Variants in RAB33A observed in about 807,000 individuals in gnomAD.
RAB33A encodes the protein ras-related protein Rab-33A.
Under a neutral mutation model 12.0 loss-of-function variants are expected in RAB33A, and 6 were observed. That is an observed-to-expected ratio of 0.50 (90% CI 0.27 to 0.99). The LOEUF is 0.99. Ranked by LOEUF, RAB33A falls within the 50% of genes least tolerant of loss-of-function variation. The probability of loss-of-function intolerance (pLI) is 0.11; values close to 1 mark genes in which losing one functional copy is unlikely to be tolerated. For missense variants in RAB33A, 109 were observed against 192.0 expected (o/e 0.57, Z 2.55); for synonymous variants, 70 against 82.4 (o/e 0.85, Z 0.81).
the RAB33A span, among the ~76,000 whole-genome samples, chrX:130,118,052 C>T: frequency 1.8e-5 from 2 of 112,314 alleles, no homozygotes; most frequent in South Asian, 7.2e-4. Context: ...ACATCTCTTC[C>T]TCAGATGGAG....
At chrX:130,140,412 C>T in the RAB33A span, 217 of 606,245 alleles carry the variant, frequency 3.6e-4, 4 homozygotes, top group South Asian at 4.8e-3. Context: ...AGAGAAGACA[C>T]TCACTTCAGA....
chrX:130,146,791 G>A, the RAB33A span, among the ~76,000 whole-genome samples: 1 of 111,240 alleles, frequency 9.0e-6, no homozygotes, highest in African/African-American at 3.3e-5. Context: ...AATTCTAAAT[G>A]CCTGCTAGGC....
At position 130,172,218 on chromosome X, in the gene RAB33A, G is replaced by A; in HGVS notation, c.156G>A (p.Leu52=). Residue 52 remains leucine (L), a synonymous_variant, in exon 1 of 2, where the codon CTG becomes CTA. Coordinates refer to ENST00000257017, the MANE Select transcript of RAB33A (RefSeq NM_004794.3). Reference sequence around the variant, plus strand: ...ACTCCAACGTGGGCAAGACCTGCCTGACCTTCCGCTTCTGCGGGGGTACCT... The same window carrying A: ...ACTCCAACGTGGGCAAGACCTGCCTAACCTTCCGCTTCTGCGGGGGTACCT... The part of the protein sequence containing the change: ...IGDSNVGKTC[L]TFRFCGGTFP... 1 of 1,212,366 alleles carries A rather than the reference G, an allele frequency of 8.2e-7. No individual in the cohort carries two copies. Among genetic ancestry groups the A allele is most frequent in the South Asian group, 1.8e-5 (1 of 57,055 alleles).
upstream of RAB33A, among the ~76,000 whole-genome samples, chrX:130,168,202 AAGATACTC>A (rs1168306902): frequency 9.2e-6 from 1 of 109,089 alleles, no homozygotes; most frequent in Non-Finnish European, 1.9e-5. Flanking sequence ...AGAAATTACA[AAGATACTC>A]TTTTTTTTTT....
chrX:130,153,169 C>T, the RAB33A span, among the ~76,000 whole-genome samples: 1 of 56,233 alleles, frequency 1.8e-5, no homozygotes, highest in Admixed American at 2.5e-4. Context: ...CCCGTCTCTA[C>T]TAAAAATACA....
the RAB33A span, among the ~76,000 whole-genome samples, chrX:130,119,256 C>T: frequency 1.8e-5 from 2 of 111,727 alleles, no homozygotes; most frequent in East Asian, 5.6e-4. Context: ...TTAGTCAGCC[C>T]AAAATTCCCA....
the RAB33A span, among the ~76,000 whole-genome samples, chrX:130,159,866 G>C: frequency 9.3e-6 from 1 of 107,534 alleles, no homozygotes; most frequent in South Asian, 4.1e-4. Flanking sequence ...CTGTCCCCAA[G>C]CTGGAGTGCA....
At chrX:130,155,850 C>G in the RAB33A span, among the ~76,000 whole-genome samples, 283 of 111,660 alleles carry the variant, frequency 2.5e-3, no homozygotes, top group African/African-American at 8.3e-3. Context: ...CTAAGCTGAT[C>G]GGAGTTCATT....
the RAB33A span, chrX:130,165,950 C>T: frequency 1.3e-5 from 5 of 370,518 alleles, no homozygotes; most frequent in Non-Finnish European, 2.4e-5. Flanking sequence ...CTCGCAAAGA[C>T]GCTGGCTCTA....
the RAB33A span, among the ~76,000 whole-genome samples, chrX:130,157,837 C>T: frequency 1.5e-4 from 16 of 108,926 alleles, no homozygotes; most frequent in African/African-American, 4.7e-4. Flanking sequence ...TGCTTGTAGT[C>T]CCAGCTACTC....
At chrX:130,165,724 C>G in the RAB33A span, 16 of 922,140 alleles carry the variant, frequency 1.7e-5, no homozygotes, top group Non-Finnish European at 2.3e-5. Context: ...GGTCAAACAC[C>G]GTGAGCCCCG....
At chrX:130,112,518 C>T in the RAB33A span, among the ~76,000 whole-genome samples, 28 of 112,103 alleles carry the variant, frequency 2.5e-4, no homozygotes, top group Middle Eastern at 4.7e-3. Flanking sequence ...TGTGTGACTT[C>T]AGGCAAGTCA....
At chrX:130,137,501 G>C in the RAB33A span, 2 of 1,167,215 alleles carry the variant, frequency 1.7e-6, no homozygotes, top group Non-Finnish European at 2.3e-6. Flanking sequence ...GCATCCTCCT[G>C]AAAAGATGCC....
chrX:130,140,480 TA>T, the RAB33A span: 7 of 1,066,852 alleles, frequency 6.6e-6, no homozygotes, highest in Non-Finnish European at 9.2e-6. Context: ...GGCTGGACTC[TA>T]AAACTTGAAT....
At chrX:130,165,717 C>A in the RAB33A span, 1 of 982,812 alleles carries the variant, frequency 1.0e-6, no homozygotes, top group South Asian at 2.0e-5. Flanking sequence ...ACCGACGGGT[C>A]AAACACCGTG....
At chrX:130,171,888 C>T, upstream of RAB33A, 1 of 500,395 alleles carries the variant, frequency 2.0e-6, no homozygotes, top group Non-Finnish European at 3.1e-6. Flanking sequence ...TGAGAGGCAC[C>T]CCCTTCACGC....
the RAB33A span, among the ~76,000 whole-genome samples, chrX:130,143,357 C>G: frequency 1.8e-5 from 2 of 112,183 alleles, no homozygotes; most frequent in Non-Finnish European, 3.8e-5. Flanking sequence ...CCCCCTTAAA[C>G]TAGCTCTTCC....
chrX:130,140,637 A>G, the RAB33A span: 2 of 1,132,126 alleles, frequency 1.8e-6, no homozygotes, highest in Admixed American at 4.3e-5. Flanking sequence ...TCACACACAT[A>G]CACAAAAGAG....
At chrX:130,116,099 C>CTTTTTT in the RAB33A span, among the ~76,000 whole-genome samples, 6 of 63,052 alleles carry the variant, frequency 9.5e-5, no homozygotes, top group East Asian at 1.3e-3. Context: ...ACCCCAGGTC[C>CTTTTTT]TTTTTTTTTT....
Sources: gnomAD v4.1 joint callset for allele counts (sites outside exome capture counted in the v4.1 genomes callset) on GRCh38, gnomAD v4.1.1 for gene constraint, MANE v1.5 for transcripts, NCBI Gene and HGNC (gene_info 2026-07-23, HGNC 2026-07-21) for gene names.